The following PREB variants were observed in gnomAD, a reference collection of about 807,000 sequenced individuals.
PREB encodes guanine nucleotide-exchange factor SEC12.
PREB carries 29 observed loss-of-function variants against 46.7 expected under a neutral mutation model. The ratio of observed to expected loss-of-function variants is 0.62; its 90% CI spans 0.46 to 0.85. The LOEUF is 0.85. PREB is among the 40% of genes least tolerant of loss of function. The pLI, the probability that PREB is intolerant of heterozygous loss-of-function variation, is 0.00. For synonymous variants in PREB, 224 were observed against 220.1 expected, an observed-to-expected ratio of 1.02 and a Z score of -0.16; for missense variants, 494 against 528.4, an observed-to-expected ratio of 0.93 and a Z score of 0.64.
Position 27,134,418 on chromosome 2 carries a change from C to T in PREB, c.4G>A (p.Gly2Ser). The part of the protein sequence containing the change: M[G>S]RRRAPELYRA... ...TACAGCTCTGGCGCCCGGCGCCGGC[C>T]CATCCCGCCCGGCGCGCGTTCACTG... is the stretch of plus-strand genomic sequence containing the variant. The change falls in exon 1 of 9, where the codon GGC becomes AGC. Residue 2 changes from glycine (G) to serine (S), a missense_variant. Gly to Ser is a moderately conservative substitution (Grantham distance 56, BLOSUM62 0). Transcript: ENST00000260643. The T allele has an allele frequency of 6.4e-7, 1 of 1,570,996 alleles. No individual in the cohort carries two copies. Among genetic ancestry groups the T allele is most frequent in the Non-Finnish European group, 8.6e-7 (1 of 1,164,400 alleles).
chr2:27,133,867 C>G, intron 1 of PREB, 146 bp from the exon 2 acceptor site: 5 of 651,918 alleles, frequency 7.7e-6, no homozygotes, highest in Non-Finnish European at 9.7e-6. Flanking sequence ...TTGGGCCTCA[C>G]AAATCTACAC....
In PREB at chr2:27,132,976, G is replaced by A; in HGVS notation, c.547-53C>T. 6.2e-7 allele frequency: 1 copy of A among 1,601,078 alleles called. No individual in the cohort carries two copies. Among genetic ancestry groups the A allele is most frequent in the Non-Finnish European group, 8.6e-7 (1 of 1,168,706 alleles). ...CTCAGGTGTCCAGCAAGTACACTGT[G>A]ACTGATGCCCACGCCACCCCTTCTA... On this transcript the variant is annotated intron_variant, in intron 3 of 8. Coordinates refer to ENST00000260643, the MANE Select transcript of PREB (RefSeq NM_013388.6). This position sits in a 1 kb window ranked among gnomAD's most constrained non-coding sequence, Gnocchi z 4.0.
Position 27,131,016 on chromosome 2 carries a change from A to C in PREB, c.*398T>G. On this transcript the variant is annotated 3_prime_UTR_variant, in exon 9 of 9. Coordinates refer to ENST00000260643, the MANE Select transcript of PREB (RefSeq NM_013388.6). ...ATGCCAGGGGCTTCATGTGAAGAGG[A>C]ACTGGCCACAAGGCTGAGGGGAGGA... 1 of 547,810 alleles carries C rather than the reference A, an allele frequency of 1.8e-6. No homozygotes were observed. Among genetic ancestry groups the C allele is most frequent in the Non-Finnish European group, 3.3e-6 (1 of 306,038 alleles). 33.9% of individuals were successfully genotyped at this position (547,810 alleles called of 1,614,324 possible).
Position 27,132,358 on chromosome 2 carries a change from T to C in PREB, c.798A>G (p.Thr266=), listed in dbSNP as rs1672314372. 1.2e-6 allele frequency: 2 copies of C among 1,613,542 alleles called. No individual in the cohort carries two copies. Among genetic ancestry groups the C allele is most frequent in the East Asian group, 2.2e-5 (1 of 44,902 alleles). The part of the protein sequence containing the change: ...PDQPAGLRLF[T]VQIPHKRLRQ... ...GCAGGCGCTTGTGGGGAATTTGCAC[T>C]GTGAAGAGTCGCAGGCCAGCAGGCT... is the stretch of plus-strand genomic sequence containing the variant. Residue 266 remains threonine (T), a synonymous_variant, in exon 6 of 9, where the codon ACA becomes ACG. Transcript: ENST00000260643. This position sits in a 1 kb window ranked among gnomAD's most constrained non-coding sequence, Gnocchi z 4.0.
At position 27,133,331 on chromosome 2, in the gene PREB, T is replaced by C. The variant is rs1477082854; in HGVS notation, c.332A>G (p.Lys111Arg). Reference sequence around the variant, plus strand: ...CTTCCTTTGTCGAGGCCCCTGCTCCTTGGAACCTGTAACACAAACACTTGG... The same window carrying C: ...CTTCCTTTGTCGAGGCCCCTGCTCCCTGGAACCTGTAACACAAACACTTGG... ...QGNKAEKAGS[K>R]EQGPRQRKGA... Residue 111 changes from lysine (K) to arginine (R), a missense_variant, in exon 3 of 9, where the codon AAG becomes AGG. Physicochemically the swap from Lys to Arg is conservative, Grantham distance 26. Transcript: ENST00000260643. The C allele has an allele frequency of 6.2e-7, 1 of 1,614,016 alleles. No homozygotes were observed. The highest frequency in any genetic ancestry group is 8.5e-7 in the Non-Finnish European group (1 of 1,180,046).
Position 27,133,227 on chromosome 2 carries a change from C to T in PREB, c.436G>A (p.Ala146Thr). The change falls in exon 3 of 9, where the codon GCG (alanine) becomes ACG (threonine). Residue 146 changes from alanine to threonine, a missense_variant. By Grantham distance (58) the Ala-to-Thr change is moderately conservative. Transcript: ENST00000260643. ...GLELRVENLQ[A>T]VQTDFSSDPL... ...TCGGAGCTAAAGTCTGTCTGCACCGCCTGCAAATTCTCTACCCTGAGTTCT... is the reference window on the plus strand; with the variant it reads ...TCGGAGCTAAAGTCTGTCTGCACCGTCTGCAAATTCTCTACCCTGAGTTCT... 4 of 1,614,188 alleles carry T rather than the reference C, an allele frequency of 2.5e-6. No individual in the cohort carries two copies. Among genetic ancestry groups the T allele is most frequent in the Non-Finnish European group, 3.4e-6 (4 of 1,180,052 alleles).
At position 27,130,767 on chromosome 2, in the gene PREB, A is replaced by T; in HGVS notation, c.*647T>A. The T allele has an allele frequency of 6.2e-7, 1 of 1,605,658 alleles. No homozygotes were observed. The highest frequency in any genetic ancestry group is 8.5e-7 in the Non-Finnish European group (1 of 1,172,530). ...TGACAAGAGTACCATTTGGGGTCTC[A>T]GTTCACTCTTTCCTTGTTTATTAAA... On this transcript the variant is annotated 3_prime_UTR_variant, in exon 9 of 9. Transcript: ENST00000260643.
Position 27,131,771 on chromosome 2 carries a change from CAGGT to C in PREB, c.1056_1059del (p.Pro353ArgfsTer51). The stretch of plus-strand genomic sequence containing the variant: ...AGGAGCTCTGGACCACGACCCTTCT[CAGGT>C]AGAAAGGCCACATCCGTCACCACAA... On this transcript the variant is annotated frameshift_variant, in exon 8 of 9. Coordinates refer to ENST00000260643, the MANE Select transcript of PREB (RefSeq NM_013388.6). LOFTEE classifies it high-confidence loss of function. 6.2e-7 allele frequency: 1 copy of C among 1,614,138 alleles called. No homozygotes were observed. Among genetic ancestry groups the C allele is most frequent in the African/African-American group, 1.3e-5 (1 of 75,040 alleles).
chr2:27,133,544 C>A lies in PREB; in HGVS notation c.313G>T (p.Ala105Ser), dbSNP rs146155898. 1 of 1,613,692 alleles carries A rather than the reference C, an allele frequency of 6.2e-7. No individual in the cohort carries two copies. Among genetic ancestry groups the A allele is most frequent in the Non-Finnish European group, 8.5e-7 (1 of 1,179,696 alleles). ...GGGAGCTCCTCACCGGCCTTCTCTG[C>A]CTTGTTGCCCTGCTGTTGATGTGCC... ...FQAHQQQGNK[A>S]EKAGSKEQGP... Residue 105 changes from alanine (A) to serine (S), a missense_variant, in exon 2 of 9, where the codon GCA becomes TCA. Coordinates refer to ENST00000260643, the MANE Select transcript of PREB (RefSeq NM_013388.6).
At chr2:27,134,190 C>A in intron 1 of PREB, 97 bp downstream of exon 1, 1 of 1,389,140 alleles carries the variant, frequency 7.2e-7, no homozygotes. Flanking sequence ...GGGCAGGGCC[C>A]GAAGCTGGAG....
In PREB at chr2:27,134,636, T is replaced by C. The variant is rs1469450583; in HGVS notation, c.-215A>G. On this transcript the variant is annotated 5_prime_UTR_variant, in exon 1 of 9. Transcript: ENST00000260643. The stretch of plus-strand genomic sequence containing the variant: ...CCAAGTCGGTCTCGCAGACGCGCAC[T>C]GCGCATGCGCACCTGTCTCGCGGCT... 3.2e-6 allele frequency: 4 copies of C among 1,244,998 alleles called. No individual in the cohort carries two copies. In the African/African-American group the frequency reaches 6.3e-5, roughly 20 times the overall value. 77.1% of individuals were successfully genotyped at this position (1,244,998 alleles called of 1,614,324 possible).
intron 8 of PREB, 59 bp downstream of exon 8, chr2:27,131,613 G>A (rs1672272897): frequency 3.1e-6 from 5 of 1,598,994 alleles, no homozygotes; most frequent in African/African-American, 1.3e-5. Flanking sequence ...CCTCCGGGGG[G>A]CACGTTTCTG....
At position 27,132,892 on chromosome 2, in the gene PREB, T is replaced by C. The variant is rs373636488; in HGVS notation, c.578A>G (p.Lys193Arg). 42 of 1,614,074 alleles carry C rather than the reference T, an allele frequency of 2.6e-5. No individual in the cohort carries two copies. The African/African-American group carries it at 4.5e-4, about 17-fold the overall frequency. Residue 193 changes from lysine (K) to arginine (R), a missense_variant, in exon 4 of 9, where the codon AAA becomes AGA. Transcript: ENST00000260643. This position sits in a 1 kb window ranked among gnomAD's most constrained non-coding sequence, Gnocchi z 4.0. ...GTCTTCAATCTCCCCTTCGTGGGCT[T>C]TGAACTCCAGAACCTTCTCCAGGCT... is the stretch of plus-strand genomic sequence containing the variant. ...VPSLEKVLEFKAHEGEIEDLA... is the reference protein window; with the variant it reads ...VPSLEKVLEFRAHEGEIEDLA...
rs745898553 is a variant in PREB at position 27,133,651 on chromosome 2, GTC to G, written c.204_205del (p.Glu68AspfsTer12). The G allele has an allele frequency of 6.2e-7, 1 of 1,614,246 alleles. No individual in the cohort carries two copies. The highest frequency in any genetic ancestry group is 2.2e-5 in the East Asian group (1 of 44,888). On this transcript the variant is annotated frameshift_variant, in exon 2 of 9. Transcript: ENST00000260643. LOFTEE classifies it high-confidence loss of function. ...CAGTGCCAAGTTCATGGTGGCCCGT[GTC>G]TCTGTGTCATGGGAGTGCAGCAAGG...
In PREB at chr2:27,132,609, G is replaced by A. The variant is rs1161734558; in HGVS notation, c.746C>T (p.Ala249Val). 6.2e-7 allele frequency: 1 copy of A among 1,613,916 alleles called. No individual in the cohort carries two copies. The highest frequency in any genetic ancestry group is 8.5e-7 in the Non-Finnish European group (1 of 1,180,010). ...TFSSTPYRYQ[A>V]CRFGQVPDQP... ...CCACCCAAAGTCTTCACACCTGCAGGCCTGGTAGCGGTAAGGTGTGCTGGA... is the reference window on the plus strand; with the variant it reads ...CCACCCAAAGTCTTCACACCTGCAGACCTGGTAGCGGTAAGGTGTGCTGGA... Residue 249 changes from alanine to valine, a missense_variant, in exon 5 of 9, where the codon GCC becomes GTC. Coordinates refer to ENST00000260643, the MANE Select transcript of PREB (RefSeq NM_013388.6). This position sits in a 1 kb window ranked among gnomAD's most constrained non-coding sequence, Gnocchi z 4.0.
chr2:27,132,717 AC>A lies in PREB; in HGVS notation c.637del (p.Val213TrpfsTer16). 1 of 1,614,124 alleles carries A rather than the reference AC, an allele frequency of 6.2e-7. No homozygotes were observed. Among genetic ancestry groups the A allele is most frequent in the South Asian group, 1.1e-5 (1 of 91,082 alleles). ...ALGPDGKLVT[V>X]GRDLKASVWQ... The stretch of plus-strand genomic sequence containing the variant: ...CACAGAGGCCTTAAGGTCCCGGCCC[AC>A]GGTTACCAACTAGTTAGGAATAAAG... On this transcript the variant is annotated frameshift_variant, in exon 5 of 9. Coordinates refer to ENST00000260643, the MANE Select transcript of PREB (RefSeq NM_013388.6). LOFTEE classifies it high-confidence loss of function. The surrounding 1 kb of genome is among the most constrained non-coding windows in gnomAD (Gnocchi z 4.0).
chr2:27,134,123 G>T, intron 1 of PREB, 164 bp downstream of exon 1: 1 of 961,680 alleles, frequency 1.0e-6, no homozygotes, highest in Non-Finnish European at 1.5e-6. Context: ...CGCCCGCTGA[G>T]TTCTCGACTG....
rs189639978 is a variant in PREB, at chr2:27,132,486, C to G, written c.753-83G>C. 6.3e-7 allele frequency: 1 copy of G among 1,588,816 alleles called. No individual in the cohort carries two copies. The highest frequency in any genetic ancestry group is 8.6e-7 in the Non-Finnish European group (1 of 1,165,612). ...GTTTGTGCACCACCTGCACCCTGGT[C>G]AGACCTGGGGTAACACTCAACAAGT... is the stretch of plus-strand genomic sequence containing the variant. On this transcript the variant is annotated intron_variant, in intron 5 of 8. Coordinates refer to ENST00000260643, the MANE Select transcript of PREB (RefSeq NM_013388.6). This position sits in a 1 kb window ranked among gnomAD's most constrained non-coding sequence, Gnocchi z 4.0.
In PREB at chr2:27,133,223, A is replaced by G; in HGVS notation, c.440T>C (p.Val147Ala). The G allele has an allele frequency of 6.2e-7, 1 of 1,614,176 alleles. No homozygotes were observed. The highest frequency in any genetic ancestry group is 8.5e-7 in the Non-Finnish European group (1 of 1,180,034). Residue 147 changes from valine to alanine, a missense_variant, in exon 3 of 9, where the codon GTG becomes GCG. Physicochemically the swap from Val to Ala is moderately conservative, Grantham distance 64. Transcript: ENST00000260643. Reference protein sequence around the residue: ...LELRVENLQAVQTDFSSDPLQ... With the variant: ...LELRVENLQAAQTDFSSDPLQ... ...TGGATCGGAGCTAAAGTCTGTCTGC[A>G]CCGCCTGCAAATTCTCTACCCTGAG... is the stretch of plus-strand genomic sequence containing the variant.
Sources: gnomAD v4.1 joint callset for allele counts on GRCh38, gnomAD v4.1.1 for gene constraint, Gnocchi (gnomAD v3.1) non-coding constraint, MANE v1.5 for transcripts, NCBI Gene and HGNC (gene_info 2026-07-23, HGNC 2026-07-21) for gene names.